The following RBFOX1 variants were observed in gnomAD, a reference collection of about 807,000 sequenced individuals.
RBFOX1 encodes RNA binding fox-1 homolog 1.
A neutral mutation model predicts 57.7 loss-of-function variants in RBFOX1; 8 were observed. That is an observed-to-expected ratio of 0.14 (90% CI 0.08 to 0.25). RBFOX1 has a LOEUF of 0.25. RBFOX1 is among the 10% of genes least tolerant of loss of function. The pLI, the probability that RBFOX1 is intolerant of heterozygous loss-of-function variation, is 1.00. For synonymous variants in RBFOX1, 326 were observed against 222.4 expected, an observed-to-expected ratio of 1.47 and a Z score of -4.15; for missense variants, 611 against 548.5, an observed-to-expected ratio of 1.11 and a Z score of -1.14.
At chr16:6,182,570 C>T (rs2097072305) in intron 1 of RBFOX1, among the ~76,000 whole-genome samples, 1 of 152,064 alleles carries the variant, frequency 6.6e-6, no homozygotes, top group African/African-American at 2.4e-5. Flanking sequence ...TTGAATTGGT[C>T]TAATATTTAC....
intron 10 of RBFOX1, among the ~76,000 whole-genome samples, chr16:7,612,482 C>T (rs2141551054): frequency 2.0e-5 from 3 of 151,836 alleles, no homozygotes; most frequent in African/African-American, 7.3e-5. Context: ...TATCTCTACC[C>T]AGTAGCAGGC....
chr16:7,154,674 A>C (rs1037791485), intron 4 of RBFOX1, among the ~76,000 whole-genome samples: 1 of 147,846 alleles, frequency 6.8e-6, no homozygotes, highest in Non-Finnish European at 1.5e-5. Flanking sequence ...AAATGGCTAG[A>C]CCCTCTTCCT....
chr16:6,260,343 A>G (rs1285571802), intron 1 of RBFOX1, among the ~76,000 whole-genome samples: 1 of 152,182 alleles, frequency 6.6e-6, no homozygotes, highest in East Asian at 1.9e-4. Flanking sequence ...GAGAAGTTTC[A>G]TGACCCAGTG....
chr16:7,212,459 T>C (rs2091323236), intron 4 of RBFOX1, among the ~76,000 whole-genome samples: 4 of 152,282 alleles, frequency 2.6e-5, no homozygotes, highest in Middle Eastern at 3.4e-3. Flanking sequence ...TCCATGCAGA[T>C]GCTGCTTTAG....
chr16:7,193,208 G>C (rs2085859145), intron 4 of RBFOX1, among the ~76,000 whole-genome samples: 1 of 152,198 alleles, frequency 6.6e-6, no homozygotes, highest in Non-Finnish European at 1.5e-5. Context: ...AGGCAGAAGA[G>C]AGAGAGTATC....
chr16:6,821,022 A>G (rs1019163347), intron 3 of RBFOX1, among the ~76,000 whole-genome samples: 6 of 152,216 alleles, frequency 3.9e-5, no homozygotes, highest in Non-Finnish European at 8.8e-5. Flanking sequence ...ATTATCACTT[A>G]ATTCTTAACC....
chr16:7,096,175 A>G (rs1277308873), intron 4 of RBFOX1, among the ~76,000 whole-genome samples: 1 of 152,232 alleles, frequency 6.6e-6, no homozygotes, highest in Non-Finnish European at 1.5e-5. Context: ...AACACAACAC[A>G]ATAACAAAAC....
chr16:5,584,239 A>C (rs1022898265), intron 2 of RBFOX1, among the ~76,000 whole-genome samples: 2 of 152,102 alleles, frequency 1.3e-5, no homozygotes, highest in African/African-American at 2.4e-5. Context: ...ATTCTCCCCA[A>C]CTTCATTTTG....
chr16:7,097,147 A>G (rs539461694), intron 4 of RBFOX1, among the ~76,000 whole-genome samples: 1 of 152,272 alleles, frequency 6.6e-6, no homozygotes, highest in African/African-American at 2.4e-5. Context: ...GGTATTGTGA[A>G]TGGTGACTTC....
intron 14 of RBFOX1, among the ~76,000 whole-genome samples, chr16:7,695,084 C>T (rs2078365893): frequency 1.3e-5 from 2 of 152,168 alleles, no homozygotes; most frequent in South Asian, 2.1e-4. Flanking sequence ...TTTCCATCTA[C>T]CTAATCTAGA....
intron 4 of RBFOX1, among the ~76,000 whole-genome samples, chr16:5,965,862 ATCC>A (rs1196916149): frequency 6.6e-6 from 1 of 151,872 alleles, no homozygotes; most frequent in Non-Finnish European, 1.5e-5. Context: ...TTCTACGTCA[ATCC>A]TCCTTTCCTC....
intron 3 of RBFOX1, among the ~76,000 whole-genome samples, chr16:5,825,746 CCTTAATAT>C: frequency 1.4e-5 from 2 of 147,620 alleles, no homozygotes; most frequent in African/African-American, 4.9e-5. Flanking sequence ...CCTTATTATT[CCTTAATAT>C]GAATAAGGAA....
chr16:7,228,541 G>A (rs2093294509), intron 4 of RBFOX1, among the ~76,000 whole-genome samples: 1 of 152,164 alleles, frequency 6.6e-6, no homozygotes, highest in African/African-American at 2.4e-5. Flanking sequence ...TACAGATTGG[G>A]AAACTGAAAA....
chr16:6,529,566 ATAAT>A (rs2096627915), intron 2 of RBFOX1, among the ~76,000 whole-genome samples: 1 of 92,426 alleles, frequency 1.1e-5, no homozygotes, highest in African/African-American at 3.7e-5. Context: ...AATAATAATA[ATAAT>A]TATTATTAAT....
intron 3 of RBFOX1, among the ~76,000 whole-genome samples, chr16:6,799,876 G>A (rs1356684844): frequency 6.6e-6 from 1 of 152,092 alleles, no homozygotes; most frequent in African/African-American, 2.4e-5. Flanking sequence ...TTCGGGACTC[G>A]GAGTGAGTCA....
chr16:5,273,852 C>A (rs1205550650), intron 1 of RBFOX1, among the ~76,000 whole-genome samples: 2 of 152,006 alleles, frequency 1.3e-5, no homozygotes, highest in Non-Finnish European at 2.9e-5. Flanking sequence ...GTGTGTGAGC[C>A]CAGAATTCTT....
At chr16:6,793,925 G>C (rs10163237) in intron 3 of RBFOX1, among the ~76,000 whole-genome samples, 16,598 of 152,042 alleles carry the variant, frequency 0.11, 1,138 homozygotes, top group African/African-American at 0.18. Flanking sequence ...TAGTCCAGGG[G>C]AGTGATCACA....
At chr16:6,777,581 A>T (rs1483731502) in intron 3 of RBFOX1, among the ~76,000 whole-genome samples, 1 of 152,194 alleles carries the variant, frequency 6.6e-6, no homozygotes, top group Non-Finnish European at 1.5e-5. Context: ...CTGTCAGATT[A>T]GGGGGGAAAG....
chr16:7,205,568 A>G (rs2089785403), intron 4 of RBFOX1, among the ~76,000 whole-genome samples: 1 of 152,106 alleles, frequency 6.6e-6, no homozygotes, highest in South Asian at 2.1e-4. Context: ...ATAAACATGA[A>G]CCTTTCAGTA....
Sources: gnomAD v4.1 joint callset for allele counts (sites outside exome capture counted in the v4.1 genomes callset) on GRCh38, gnomAD v4.1.1 for gene constraint, MANE v1.5 for transcripts, NCBI Gene and HGNC (gene_info 2026-07-23, HGNC 2026-07-21) for gene names.